The following SASH1 variants were observed in gnomAD, a reference collection of about 807,000 sequenced individuals.
SASH1 encodes the protein SAM and SH3 domain-containing protein 1.
A neutral mutation model predicts 125.2 loss-of-function variants in SASH1; 44 were observed. The ratio of observed to expected loss-of-function variants is 0.35; its 90% CI spans 0.28 to 0.45. The LOEUF (loss-of-function observed/expected upper bound fraction) is 0.45. SASH1 is among the 20% of genes least tolerant of loss of function. The pLI is 1.00. For synonymous variants in SASH1, 639 were observed against 649.1 expected, an observed-to-expected ratio of 0.98 and a Z score of 0.24; for missense variants, 1,426 against 1,614.5, an observed-to-expected ratio of 0.88 and a Z score of 2.00.
At chr6:148,304,973 G>A (rs1424697551) in intron 1 of SASH1, among the ~76,000 whole-genome samples, 5 of 152,236 alleles carry the variant, frequency 3.3e-5, no homozygotes, top group Admixed American at 3.3e-4. Flanking sequence ...GGAGGTTGCA[G>A]TGAGCCAAGA....
chr6:148,269,440 T>C (rs1192257936), upstream of SASH1, among the ~76,000 whole-genome samples: 1 of 152,160 alleles, frequency 6.6e-6, no homozygotes, highest in Admixed American at 6.5e-5. Flanking sequence ...CAGCAAATGT[T>C]TCAAATAGTT....
At chr6:148,290,654 A>G (rs926578541) in intron 1 of SASH1, among the ~76,000 whole-genome samples, 2 of 151,876 alleles carry the variant, frequency 1.3e-5, no homozygotes, top group Non-Finnish European at 2.9e-5. Context: ...TGTTAAACAG[A>G]TGCTTGAAGG....
At position 148,495,316 on chromosome 6, in the gene SASH1, A is replaced by T. The variant is rs1311109260; in HGVS notation, c.729+7601A>T. Among the ~76,000 whole-genome samples, 1 of 152,210 alleles carries T rather than the reference A, an allele frequency of 6.6e-6. No homozygotes were observed. The highest frequency in any genetic ancestry group is 2.4e-5 in the African/African-American group (1 of 41,450). On this transcript the variant is annotated intron_variant, in intron 8 of 19. Transcript: ENST00000367467. This position sits in a 1 kb window ranked among gnomAD's most constrained non-coding sequence, Gnocchi z 4.0. ...AGGTGGCCTGAGCAGTTGTGATTTCACTGCTTTTTGGAGCAGAGTGGCAGC... is the reference window on the plus strand; with the variant it reads ...AGGTGGCCTGAGCAGTTGTGATTTCTCTGCTTTTTGGAGCAGAGTGGCAGC...
chr6:148,310,446 T>C (rs1160742513), intron 1 of SASH1, among the ~76,000 whole-genome samples: 3 of 149,766 alleles, frequency 2.0e-5, no homozygotes, highest in Non-Finnish European at 4.4e-5. Context: ...AAAAAATAGA[T>C]TGTAGACCTC....
rs1782444402 is a variant in SASH1 at position 148,544,602 on chromosome 6, C to G, written c.3132C>G (p.Leu1044=). 1.9e-6 allele frequency: 3 copies of G among 1,613,206 alleles called. No homozygotes were observed. In the African/African-American group the frequency reaches 4.0e-5, roughly 22 times the overall value. Residue 1044 remains leucine (L), a synonymous_variant, in exon 18 of 20, where the codon CTC becomes CTG. Coordinates refer to ENST00000367467, the MANE Select transcript of SASH1 (RefSeq NM_015278.5). This position sits in a 1 kb window ranked among gnomAD's most constrained non-coding sequence, Gnocchi z 6.4. ...DCPPALAPRP[L]SGQAPGSPPS... is the part of the protein sequence containing the mutation. ...CCCCAGCACTGGCTCCCAGGCCTCTCTCAGGGCAGGCGCCTGGCAGCCCAC... is the reference window on the plus strand; with the variant it reads ...CCCCAGCACTGGCTCCCAGGCCTCTGTCAGGGCAGGCGCCTGGCAGCCCAC...
intron 1 of SASH1, among the ~76,000 whole-genome samples, chr6:148,298,772 A>AG (rs1562312339): frequency 6.0e-5 from 6 of 100,366 alleles, no homozygotes; most frequent in African/African-American, 1.3e-4. Context: ...GAGAAAGAAA[A>AG]AAGAAAGAAC....
the SASH1 span, among the ~76,000 whole-genome samples, chr6:148,193,679 T>C: frequency 2.5e-3 from 378 of 152,312 alleles, 1 homozygote; most frequent in African/African-American, 8.7e-3. Flanking sequence ...GCATTTTCCT[T>C]GTGGCTTTTT....
intron 1 of SASH1, among the ~76,000 whole-genome samples, chr6:148,296,751 T>A (rs892184583): frequency 6.6e-6 from 1 of 152,060 alleles, no homozygotes; most frequent in Non-Finnish European, 1.5e-5. Context: ...GTGCGGCAGT[T>A]TGGAGAAAGG....
chr6:148,484,134 A>C (rs2115186029), intron 7 of SASH1, among the ~76,000 whole-genome samples: 1 of 152,326 alleles, frequency 6.6e-6, no homozygotes, highest in South Asian at 2.1e-4. Flanking sequence ...ATTTCGGTTT[A>C]ATATAATGTA....
At chr6:148,304,534 G>A (rs985403053) in intron 1 of SASH1, among the ~76,000 whole-genome samples, 6 of 150,590 alleles carry the variant, frequency 4.0e-5, no homozygotes, top group African/African-American at 9.8e-5. Flanking sequence ...TGCTCGAACC[G>A]GGGAGGCAGA....
At chr6:148,236,511 C>G in the SASH1 span, among the ~76,000 whole-genome samples, 1 of 152,170 alleles carries the variant, frequency 6.6e-6, no homozygotes, top group Non-Finnish European at 1.5e-5. Context: ...CACACCCGGC[C>G]TCACACAGTT....
At chr6:148,281,715 G>T (rs1414552986) in intron 1 of SASH1, among the ~76,000 whole-genome samples, 2 of 152,110 alleles carry the variant, frequency 1.3e-5, no homozygotes, top group African/African-American at 2.4e-5. Flanking sequence ...GAGGTCAGGA[G>T]ATCGAGACCA....
Position 148,390,213 on chromosome 6 carries a change from A to C in SASH1, c.236A>C (p.Glu79Ala), listed in dbSNP as rs1244326636. ...YYNTCFSDVC[E>A]RMEELRKRRV... Reference sequence around the variant, plus strand: ...AACACCTGTTTCTCCGACGTGTGCGAGAGGATGGAGGAGCTGCGGAAACGG... The same window carrying C: ...AACACCTGTTTCTCCGACGTGTGCGCGAGGATGGAGGAGCTGCGGAAACGG... The change falls in exon 2 of 20, where the codon GAG (glutamate) becomes GCG (alanine). Residue 79 changes from glutamate (E) to alanine (A), a missense_variant. Glu to Ala is a moderately radical substitution (Grantham distance 107). Coordinates refer to ENST00000367467, the MANE Select transcript of SASH1 (RefSeq NM_015278.5). 1 of 1,613,096 alleles carries C rather than the reference A, an allele frequency of 6.2e-7. No homozygotes were observed. Among genetic ancestry groups the C allele is most frequent in the Non-Finnish European group, 8.5e-7 (1 of 1,179,744 alleles).
At chr6:148,483,798 C>G (rs974370320) in intron 7 of SASH1, among the ~76,000 whole-genome samples, 10 of 152,144 alleles carry the variant, frequency 6.6e-5, no homozygotes, top group Non-Finnish European at 1.2e-4. Flanking sequence ...ATCTGGTATA[C>G]CAGAGCACAA....
chr6:148,493,115 G>GT, intron 8 of SASH1, among the ~76,000 whole-genome samples: 1 of 152,250 alleles, frequency 6.6e-6, no homozygotes, highest in East Asian at 1.9e-4. Context: ...CAGCAATGCA[G>GT]TTTTTTGAAG....
chr6:148,318,967 T>A (rs1264840871), intron 1 of SASH1, among the ~76,000 whole-genome samples: 1 of 151,172 alleles, frequency 6.6e-6, no homozygotes, highest in African/African-American at 2.4e-5. Flanking sequence ...CATCATATCA[T>A]CATTTATTTG....
chr6:148,428,941 C>A (rs920140407), intron 2 of SASH1, among the ~76,000 whole-genome samples: 1 of 152,106 alleles, frequency 6.6e-6, no homozygotes, highest in Non-Finnish European at 1.5e-5. Context: ...GGGTCCAGAA[C>A]AATGACTAAC....
At chr6:148,456,789 G>T (rs1441767082) in intron 4 of SASH1, among the ~76,000 whole-genome samples, 1 of 151,562 alleles carries the variant, frequency 6.6e-6, no homozygotes, top group Non-Finnish European at 1.5e-5. Flanking sequence ...ACCTGAGCCT[G>T]GGGAGGTTGT....
chr6:148,352,404 C>G (rs1311097195), intron 1 of SASH1, among the ~76,000 whole-genome samples: 1 of 151,988 alleles, frequency 6.6e-6, no homozygotes, highest in Admixed American at 6.6e-5. Context: ...CAAGACCACC[C>G]TGGCCAACAT....
Sources: allele counts gnomAD v4.1 joint callset (sites outside exome capture counted in the v4.1 genomes callset), GRCh38; gene constraint gnomAD v4.1.1; non-coding constraint Gnocchi (gnomAD v3.1); transcripts MANE v1.5; gene names NCBI Gene and HGNC (gene_info 2026-07-23, HGNC 2026-07-21).